HDAC9: variants seen among roughly 807,000 people sequenced by gnomAD.
HDAC9 encodes histone deacetylase 9, also known as MEF-2 interacting transcription repressor (MITR) protein.
A neutral mutation model predicts 139.4 loss-of-function variants in HDAC9; 41 were observed. That is an observed-to-expected ratio of 0.29 (90% CI 0.23 to 0.38). The LOEUF (loss-of-function observed/expected upper bound fraction) is 0.38. Among genes scored for constraint, HDAC9 ranks in the 10% least tolerant of loss-of-function variants. The pLI, the probability that HDAC9 is intolerant of heterozygous loss-of-function variation, is 1.00. For missense variants in HDAC9, 1,147 were observed against 1,297.0 expected, an observed-to-expected ratio of 0.88 and a Z score of 1.78; for synonymous variants, 517 against 476.2, an observed-to-expected ratio of 1.09 and a Z score of -1.12.
exon 1 of HDAC9, chr7:18,087,030 GC>G (rs1310055964): frequency 1.3e-5 from 2 of 151,628 alleles, no homozygotes; most frequent in Non-Finnish European, 2.9e-5. Flanking sequence ...GCCCGCCGCG[GC>G]CGGTAAATCT....
intron 2 of HDAC9, among the ~76,000 whole-genome samples, chr7:18,220,857 A>G (rs1439735459): frequency 6.6e-6 from 1 of 152,182 alleles, no homozygotes; most frequent in Non-Finnish European, 1.5e-5. Flanking sequence ...CAGATTCCAA[A>G]CACTGGAACC....
chr7:18,167,053 A>G (rs1788058586), intron 2 of HDAC9, among the ~76,000 whole-genome samples: 3 of 152,340 alleles, frequency 2.0e-5, no homozygotes, highest in Admixed American at 2.0e-4. Context: ...CCAATTATCT[A>G]TTTCAAGTAA....
intron 8 of HDAC9, among the ~76,000 whole-genome samples, chr7:18,637,143 A>T (rs973855671): frequency 4.6e-5 from 7 of 152,126 alleles, no homozygotes; most frequent in Non-Finnish European, 7.4e-5. Context: ...ATACTTTGAT[A>T]ATATGTAGTA....
At chr7:18,460,060 C>T (rs1033427951) in intron 1 of HDAC9, among the ~76,000 whole-genome samples, 1 of 151,406 alleles carries the variant, frequency 6.6e-6, no homozygotes, top group African/African-American at 2.4e-5. Context: ...GCCGGGACTA[C>T]AGACATGTAC....
At chr7:18,577,944 A>T (rs1267683266) in intron 2 of HDAC9, among the ~76,000 whole-genome samples, 2 of 152,070 alleles carry the variant, frequency 1.3e-5, no homozygotes, top group East Asian at 1.9e-4. Context: ...AAAAAAATTT[A>T]AAAACCTTGG....
At chr7:18,893,527 G>A (rs928439865) in intron 22 of HDAC9, among the ~76,000 whole-genome samples, 32 of 152,036 alleles carry the variant, frequency 2.1e-4, no homozygotes, top group Admixed American at 1.5e-3. Context: ...GTACTCCCTG[G>A]CCATATGGTT....
intron 1 of HDAC9, among the ~76,000 whole-genome samples, chr7:18,107,880 C>G (rs1023442347): frequency 8.5e-5 from 13 of 152,216 alleles, no homozygotes; most frequent in African/African-American, 2.9e-4. Context: ...AGTAATTCCC[C>G]CTTTTTTACC....
At chr7:18,990,618 T>C (rs770641472) in intron 25 of HDAC9, among the ~76,000 whole-genome samples, 10 of 152,232 alleles carry the variant, frequency 6.6e-5, no homozygotes, top group African/African-American at 2.4e-4. Flanking sequence ...TAAGCAAGGC[T>C]GGGCAATGGC....
intron 12 of HDAC9, among the ~76,000 whole-genome samples, chr7:18,708,646 T>C (rs367646640): frequency 1.3e-5 from 2 of 152,108 alleles, no homozygotes; most frequent in Admixed American, 6.6e-5. Context: ...AGTCCCAGTA[T>C]TGGGAGACAG....
chr7:18,136,773 A>C (rs1450154771), intron 1 of HDAC9, among the ~76,000 whole-genome samples: 2 of 150,984 alleles, frequency 1.3e-5, no homozygotes, highest in South Asian at 2.1e-4. Context: ...CTTAGGATTG[A>C]CTTGGCGATG....
At chr7:18,853,303 A>C (rs2129225648) in intron 21 of HDAC9, among the ~76,000 whole-genome samples, 1 of 152,292 alleles carries the variant, frequency 6.6e-6, no homozygotes, top group Middle Eastern at 3.4e-3. Context: ...ACTTCAATCC[A>C]TACCAGAATA....
intron 6 of HDAC9, among the ~76,000 whole-genome samples, chr7:18,605,894 A>G (rs1015730325): frequency 6.6e-6 from 1 of 151,956 alleles, no homozygotes; most frequent in Non-Finnish European, 1.5e-5. Context: ...GTTAGCCAGG[A>G]TGGTCTCCAT....
intron 17 of HDAC9, among the ~76,000 whole-genome samples, chr7:18,801,455 T>C (rs1471250131): frequency 6.6e-6 from 1 of 152,096 alleles, no homozygotes; most frequent in African/African-American, 2.4e-5. Context: ...TGGTTATGAT[T>C]TATTATCATT....
At chr7:18,887,135 TCTC>T (rs141850795) in intron 22 of HDAC9, among the ~76,000 whole-genome samples, 1,718 of 152,306 alleles carry the variant, frequency 0.011, 35 homozygotes, top group African/African-American at 0.038. Context: ...TATAGGAAGT[TCTC>T]CTCACACTAC....
chr7:18,541,830 T>C (rs1813069060), intron 2 of HDAC9, among the ~76,000 whole-genome samples: 1 of 152,214 alleles, frequency 6.6e-6, no homozygotes, highest in Non-Finnish European at 1.5e-5. Context: ...TTCATAGTGA[T>C]TCATGAAAAT....
chr7:18,899,190 C>G (rs940284036), intron 22 of HDAC9: 1 of 151,952 alleles, frequency 6.6e-6, no homozygotes, highest in African/African-American at 2.4e-5. Context: ...ACTGTCGTCC[C>G]TATTAATAAA....
chr7:18,951,731 A>C (rs1466842710), intron 23 of HDAC9, among the ~76,000 whole-genome samples: 1 of 151,648 alleles, frequency 6.6e-6, no homozygotes, highest in African/African-American at 2.4e-5. Context: ...TTTCTGCTCC[A>C]AATTTATAAA....
At chr7:18,401,260 A>C (rs1342392348) in intron 1 of HDAC9, among the ~76,000 whole-genome samples, 1 of 152,112 alleles carries the variant, frequency 6.6e-6, no homozygotes, top group Non-Finnish European at 1.5e-5. Flanking sequence ...CCTTGAGAAA[A>C]ACTTATACTC....
At chr7:18,090,309 G>C (rs1782063065) in intron 1 of HDAC9, among the ~76,000 whole-genome samples, 1 of 152,062 alleles carries the variant, frequency 6.6e-6, no homozygotes, top group Non-Finnish European at 1.5e-5. Context: ...TTTTTAAAGT[G>C]GTCATCTTTA....
Sources: gnomAD v4.1 joint callset for allele counts (sites outside exome capture counted in the v4.1 genomes callset) on GRCh38, gnomAD v4.1.1 for gene constraint, MANE v1.5 for transcripts, NCBI Gene and HGNC (gene_info 2026-07-23, HGNC 2026-07-21) for gene names.